Variants in EPG5 observed in about 807,000 individuals in gnomAD.
EPG5 encodes ectopic P granules protein 5 homolog.
In EPG5, 159 loss-of-function variants were observed where a neutral mutation model predicts 302.7. The observed-to-expected ratio is 0.53, with a 90% CI of 0.46 to 0.60. EPG5 has a LOEUF of 0.60. Among genes scored for constraint, EPG5 ranks in the 20% least tolerant of loss-of-function variants. EPG5 has a pLI of 0.00. For missense variants in EPG5, 2,896 were observed against 3,092.4 expected, an observed-to-expected ratio of 0.94 and a Z score of 1.51; for synonymous variants, 1,158 against 1,136.8, an observed-to-expected ratio of 1.02 and a Z score of -0.37.
At chr18:45,916,760 A>T (rs564062121) in intron 17 of EPG5, 178 bp from the exon 18 acceptor site, 37 of 556,522 alleles carry the variant, frequency 6.6e-5, no homozygotes, top group Non-Finnish European at 9.8e-5. Context: ...GTTAAAAGGA[A>T]TTCTATCTAC....
the EPG5 span, among the ~76,000 whole-genome samples, chr18:45,821,104 C>A: frequency 1.3e-5 from 2 of 152,184 alleles, no homozygotes; most frequent in Non-Finnish European, 2.9e-5. Flanking sequence ...GATAGACTCA[C>A]GGATGTGAAA....
intron 22 of EPG5, among the ~76,000 whole-genome samples, chr18:45,911,078 TA>T: frequency 7.4e-6 from 1 of 135,370 alleles, no homozygotes; most frequent in East Asian, 2.2e-4. Context: ...TATCTATCTA[TA>T]CACACACACA....
At chr18:45,804,536 A>C in the EPG5 span, among the ~76,000 whole-genome samples, 1 of 152,344 alleles carries the variant, frequency 6.6e-6, no homozygotes, top group Admixed American at 6.5e-5. Context: ...AGCACATTAC[A>C]CAGAGGAGAA....
chr18:45,825,135 GAGGGAGGGAGGGAGGGAAGGA>G, the EPG5 span, among the ~76,000 whole-genome samples: 8 of 142,086 alleles, frequency 5.6e-5, no homozygotes, highest in African/African-American at 7.7e-5. Flanking sequence ...GGTAGGAAAG[GAGGGAGGGAGGGAGGGAAGGA>G]AGGGAGGGAG....
intron 1 of EPG5, among the ~76,000 whole-genome samples, chr18:45,956,479 C>G (rs909011492): frequency 1.4e-5 from 2 of 145,256 alleles, no homozygotes. Flanking sequence ...TTTTTTGAGA[C>G]GGAATCTTGC....
Position 45,923,403 on chromosome 18 carries a change from A to G in EPG5, c.2719-16T>C, listed in dbSNP as rs1229575587. ...GAAGGGTAGCCTTTTAAAGAGAAAAATAATCACAAACATACAACCTTGGTT... is the reference window on the plus strand; with the variant it reads ...GAAGGGTAGCCTTTTAAAGAGAAAAGTAATCACAAACATACAACCTTGGTT... On this transcript the variant is annotated splice_polypyrimidine_tract_variant and intron_variant, in intron 14 of 43. Transcript: ENST00000282041. The G allele has an allele frequency of 1.2e-6, 2 of 1,606,836 alleles. No individual in the cohort carries two copies. The highest frequency in any genetic ancestry group is 8.5e-7 in the Non-Finnish European group (1 of 1,178,034).
chr18:45,952,037 A>T (rs1324389700), intron 3 of EPG5, among the ~76,000 whole-genome samples: 2 of 152,206 alleles, frequency 1.3e-5, no homozygotes, highest in Admixed American at 6.5e-5. Flanking sequence ...CAAACAAACC[A>T]CAAGAGATAA....
chr18:45,872,654 A>G (rs2048895342), intron 35 of EPG5, among the ~76,000 whole-genome samples: 1 of 152,114 alleles, frequency 6.6e-6, no homozygotes. Context: ...CAGTGAGCCA[A>G]GATCGCACCA....
At position 45,858,572 on chromosome 18, in the gene EPG5, T is replaced by C; in HGVS notation, c.7220A>G (p.Tyr2407Cys). 6.2e-7 allele frequency: 1 copy of C among 1,613,936 alleles called. No individual in the cohort carries two copies. The highest frequency in any genetic ancestry group is 1.1e-5 in the South Asian group (1 of 91,072). ...LILSKWLEQV[Y>C]PSSVEEEAKL... ...AGCCTGAGGGCCAACGTACCTTGGG[T>C]ACACCTGTTCCAGCCACTTGCTTAA... The change falls in exon 41 of 44, where the codon TAC becomes TGC. Residue 2407 changes from tyrosine to cysteine, a missense_variant. By Grantham distance (194) the Tyr-to-Cys change is radical. Transcript: ENST00000282041.
At chr18:45,943,693 G>A (rs755134004) in intron 8 of EPG5, among the ~76,000 whole-genome samples, 4 of 152,084 alleles carry the variant, frequency 2.6e-5, no homozygotes, top group South Asian at 2.1e-4. Flanking sequence ...AGGCGGAGAC[G>A]GGCGGATCAC....
rs763330491 is a variant in EPG5, at chr18:45,954,859, G to A, written c.543C>T (p.Asp181=). The part of the protein sequence containing the change: ...QVRETQNSKE[D]KQGLVCSSEV... Reference sequence around the variant, plus strand: ...CTGAAGAACAAACCAGGCCTTGTTTGTCTTCTTTACTATTCTGAGTTTCTC... The same window carrying A: ...CTGAAGAACAAACCAGGCCTTGTTTATCTTCTTTACTATTCTGAGTTTCTC... The change falls in exon 2 of 44, where the codon GAC becomes GAT. Residue 181 remains aspartate (D), a synonymous_variant. Coordinates refer to ENST00000282041, the MANE Select transcript of EPG5 (RefSeq NM_020964.3). 6.2e-7 allele frequency: 1 copy of A among 1,614,188 alleles called. No homozygotes were observed. Among genetic ancestry groups the A allele is most frequent in the Non-Finnish European group, 8.5e-7 (1 of 1,180,038 alleles).
intron 11 of EPG5, 62 bp downstream of exon 11, chr18:45,934,747 C>A: frequency 6.6e-7 from 1 of 1,523,698 alleles, no homozygotes; most frequent in Non-Finnish European, 8.8e-7. Flanking sequence ...AAAAATTAAG[C>A]CCTGAAGAGA....
At chr18:45,861,716 G>A (rs905208939) in intron 39 of EPG5, among the ~76,000 whole-genome samples, 5 of 152,170 alleles carry the variant, frequency 3.3e-5, no homozygotes, top group African/African-American at 1.2e-4. Flanking sequence ...AAACAGGTAT[G>A]ACCATTAACA....
chr18:45,828,629 A>G, the EPG5 span, among the ~76,000 whole-genome samples: 5 of 152,184 alleles, frequency 3.3e-5, no homozygotes, highest in South Asian at 4.1e-4. Context: ...ACAGCCTTGC[A>G]AGTGAGGCTC....
At chr18:45,879,242 C>T (rs1437992397) in intron 32 of EPG5, 28 bp from the exon 33 acceptor site, 15 of 1,525,350 alleles carry the variant, frequency 9.8e-6, no homozygotes, top group African/African-American at 2.8e-5. Flanking sequence ...TCAAAAAATG[C>T]TTACTAAATA....
chr18:45,943,405 G>T, intron 8 of EPG5, 94 bp from the exon 9 acceptor site: 2 of 1,082,082 alleles, frequency 1.8e-6, no homozygotes, highest in East Asian at 2.6e-5. Context: ...AGGACTCAAA[G>T]CCAAGGTGGA....
rs545852970 is a variant in EPG5 at position 45,957,012 on chromosome 18, G to T, written c.64-1674C>A. On this transcript the variant is annotated intron_variant, in intron 1 of 43. Transcript: ENST00000282041. Reference sequence around the variant, plus strand: ...ATTATTTAAATAACATTTAAATAAAGTTGTTTCATTCAAACAGACTAAAAA... The same window carrying T: ...ATTATTTAAATAACATTTAAATAAATTTGTTTCATTCAAACAGACTAAAAA... 1.7e-3 allele frequency among the ~76,000 whole-genome samples: 253 copies of T among 151,550 alleles called. 2 individuals are homozygous for T. The highest frequency in any genetic ancestry group is 5.9e-3 in the African/African-American group (242 of 41,260).
chr18:45,822,546 T>C, the EPG5 span, among the ~76,000 whole-genome samples: 1 of 152,114 alleles, frequency 6.6e-6, no homozygotes, highest in East Asian at 1.9e-4. Flanking sequence ...AAGAAGGATA[T>C]TGAATTTTCC....
At chr18:45,911,088 C>CT (rs1665142217) in intron 22 of EPG5, among the ~76,000 whole-genome samples, 1 of 142,372 alleles carries the variant, frequency 7.0e-6, no homozygotes, top group Non-Finnish European at 1.5e-5. Flanking sequence ...TACACACACA[C>CT]ACACACACAC....
Sources: gnomAD v4.1 joint callset for allele counts (sites outside exome capture counted in the v4.1 genomes callset) on GRCh38, gnomAD v4.1.1 for gene constraint, MANE v1.5 for transcripts, NCBI Gene and HGNC (gene_info 2026-07-23, HGNC 2026-07-21) for gene names.